NFATC2: variants seen among roughly 807,000 people sequenced by gnomAD.
NFATC2 encodes the protein nuclear factor of activated T cells 2.
Under a neutral mutation model 87.3 loss-of-function variants are expected in NFATC2, and 22 were observed. The ratio of observed to expected loss-of-function variants is 0.25; its 90% confidence interval spans 0.18 to 0.36. The LOEUF (loss-of-function observed/expected upper bound fraction) is 0.36, where lower values mean the gene tolerates loss of function less well. Ranked by LOEUF, NFATC2 falls within the 10% of genes least tolerant of loss-of-function variation. The pLI is 1.00. For synonymous variants in NFATC2, 565 were observed against 542.2 expected (o/e 1.04, Z -0.58); for missense variants, 1,149 against 1,259.1 (o/e 0.91, Z 1.32).
intron 1 of NFATC2, 80 bp downstream of exon 1, chr20:51,542,290 C>T: frequency 6.7e-7 from 1 of 1,500,790 alleles, no homozygotes; most frequent in Non-Finnish European, 8.9e-7. Context: ...CGGCTGGAGC[C>T]AAGAGGACTC....
intron 3 of NFATC2, among the ~76,000 whole-genome samples, chr20:51,477,801 C>T (rs1988887265): frequency 6.6e-6 from 1 of 151,918 alleles, no homozygotes; most frequent in South Asian, 2.1e-4. Flanking sequence ...GGCAAAGTTG[C>T]AGGGTGATGA....
At position 51,475,591 on chromosome 20, in the gene NFATC2, G is replaced by C. The variant is rs1156858985; in HGVS notation, c.1402C>G (p.Leu468Val). 1 of 1,614,074 alleles carries C rather than the reference G, an allele frequency of 6.2e-7. No homozygotes were observed. The highest frequency in any genetic ancestry group is 8.5e-7 in the Non-Finnish European group (1 of 1,180,048). The change falls in exon 4 of 11, where the codon CTT (leucine) becomes GTT (valine). Residue 468 changes from leucine (L) to valine (V), a missense_variant. Transcript: ENST00000371564. ...IFIGTADERI[L>V]KPHAFYQVHR... ...ACCTGGTAGAAGGCGTGCGGCTTAAGGATCCGCTCATCAGCTGTCCCAATG... is the reference window on the plus strand; with the variant it reads ...ACCTGGTAGAAGGCGTGCGGCTTAACGATCCGCTCATCAGCTGTCCCAATG...
chr20:51,436,969 CAG>C (rs945127470), intron 6 of NFATC2, among the ~76,000 whole-genome samples: 5 of 152,058 alleles, frequency 3.3e-5, no homozygotes, highest in Non-Finnish European at 5.9e-5. Context: ...AGCAGAAAGA[CAG>C]GGGCTCACCC....
intron 6 of NFATC2, among the ~76,000 whole-genome samples, chr20:51,437,398 G>T (rs555002995): frequency 1.3e-5 from 2 of 152,132 alleles, no homozygotes; most frequent in African/African-American, 4.8e-5. Context: ...GTAACTCTGC[G>T]AGGTGGGCTG....
At chr20:51,527,032 G>A (rs1471906655) in intron 1 of NFATC2, among the ~76,000 whole-genome samples, 1 of 152,002 alleles carries the variant, frequency 6.6e-6, no homozygotes, top group African/African-American at 2.4e-5. Flanking sequence ...CCAAGTAGCT[G>A]GGACTACCAG....
intron 9 of NFATC2, among the ~76,000 whole-genome samples, chr20:51,415,819 C>G (rs545881315): frequency 1.3e-5 from 2 of 152,302 alleles, no homozygotes; most frequent in South Asian, 2.1e-4. Flanking sequence ...CATTCCTCCT[C>G]CTCCTTTCCC....
chr20:51,561,347 G>C (rs2077020530), intron 1 of NFATC2, among the ~76,000 whole-genome samples: 1 of 132,190 alleles, frequency 7.6e-6, no homozygotes, highest in Admixed American at 7.5e-5. Flanking sequence ...AAGAAAGAAA[G>C]AGAGAGAAAG....
chr20:51,554,595 C>A (rs905265692), intron 1 of NFATC2, among the ~76,000 whole-genome samples: 1 of 152,218 alleles, frequency 6.6e-6, no homozygotes, highest in Non-Finnish European at 1.5e-5. Context: ...GTCACAGACA[C>A]GATTTCCTTT....
At chr20:51,437,286 A>G (rs778765989) in intron 6 of NFATC2, among the ~76,000 whole-genome samples, 1 of 152,230 alleles carries the variant, frequency 6.6e-6, no homozygotes, top group Non-Finnish European at 1.5e-5. Context: ...AGAAGGGGGA[A>G]AAATCTACAT....
At chr20:51,488,995 A>C (rs1056591516) in intron 3 of NFATC2, among the ~76,000 whole-genome samples, 3 of 152,170 alleles carry the variant, frequency 2.0e-5, no homozygotes, top group Admixed American at 6.5e-5. Context: ...TCAAGACCAG[A>C]CTGGCCAACA....
chr20:51,428,267 G>A (rs1409332182), intron 9 of NFATC2, among the ~76,000 whole-genome samples: 1 of 152,146 alleles, frequency 6.6e-6, no homozygotes, highest in Non-Finnish European at 1.5e-5. Flanking sequence ...ACGGAAGGGG[G>A]ATGACAGCAG....
chr20:51,403,623 T>C (rs1319459150), intron 9 of NFATC2, among the ~76,000 whole-genome samples: 9 of 152,138 alleles, frequency 5.9e-5, no homozygotes, highest in African/African-American at 1.7e-4. Context: ...GGTGCAGTCA[T>C]GAAGGTGGGG....
chr20:51,496,125 G>T (rs1354542993), intron 3 of NFATC2, among the ~76,000 whole-genome samples: 1 of 152,142 alleles, frequency 6.6e-6, no homozygotes, highest in Non-Finnish European at 1.5e-5. Context: ...GCCTAGTGGT[G>T]CTGAGACCCC....
rs548226017 is a variant in NFATC2, at chr20:51,443,504, G to A, written c.1850-7743C>T. On this transcript the variant is annotated intron_variant, in intron 6 of 10. Transcript: ENST00000371564. ...AGGAATCACCAAGCCCTTATTACGGGATCCTTTGTGGGAATCAGCTGATGA... is the reference window on the plus strand; with the variant it reads ...AGGAATCACCAAGCCCTTATTACGGAATCCTTTGTGGGAATCAGCTGATGA... Among the ~76,000 whole-genome samples the A allele has an allele frequency of 5.1e-4, 77 of 152,292 alleles. No individual in the cohort carries two copies. In the South Asian group the frequency reaches 1.0e-2, roughly 20 times the overall value.
chr20:51,444,423 C>G (rs566616104), intron 6 of NFATC2, among the ~76,000 whole-genome samples: 1 of 152,132 alleles, frequency 6.6e-6, no homozygotes, highest in African/African-American at 2.4e-5. Context: ...CCTGGTTTCT[C>G]TTTGCAGGCA....
chr20:51,454,178 C>A (rs1986143147), intron 6 of NFATC2, among the ~76,000 whole-genome samples: 1 of 152,136 alleles, frequency 6.6e-6, no homozygotes, highest in Admixed American at 6.5e-5. Context: ...AATTTGAACC[C>A]AAGATATCCA....
At chr20:51,470,720 T>C (rs2146498166) in intron 5 of NFATC2, among the ~76,000 whole-genome samples, 1 of 152,346 alleles carries the variant, frequency 6.6e-6, no homozygotes, top group Non-Finnish European at 1.5e-5. Flanking sequence ...TGCCAGCGCG[T>C]GTTACGGACT....
At chr20:51,470,914 AGGGTGG>A (rs1369825154) in intron 5 of NFATC2, among the ~76,000 whole-genome samples, 2 of 152,134 alleles carry the variant, frequency 1.3e-5, no homozygotes, top group Non-Finnish European at 2.9e-5. Context: ...ATTGCAAGAG[AGGGTGG>A]GTTATGGGAA....
intron 5 of NFATC2, among the ~76,000 whole-genome samples, chr20:51,462,374 A>C (rs986210566): frequency 6.6e-6 from 1 of 152,036 alleles, no homozygotes. Flanking sequence ...TGAACCCGGT[A>C]GGCAGAAGTT....
Sources: gnomAD v4.1 joint callset for allele counts (sites outside exome capture counted in the v4.1 genomes callset) on GRCh38, gnomAD v4.1.1 for gene constraint, MANE v1.5 for transcripts, NCBI Gene and HGNC (gene_info 2026-07-23, HGNC 2026-07-21) for gene names.